Variants in SP100 observed in about 807,000 individuals in gnomAD.
SP100 encodes SP100 nuclear body protein.
In SP100, 84 loss-of-function variants were observed where a neutral mutation model predicts 130.0. That is an observed-to-expected ratio of 0.65 (90% CI 0.54 to 0.77). The LOEUF (loss-of-function observed/expected upper bound fraction) is 0.77, where lower values mean the gene tolerates loss of function less well. Ranked by LOEUF, SP100 falls within the 30% of genes least tolerant of loss-of-function variation. The probability of loss-of-function intolerance (pLI) is 0.00; values close to 1 mark genes in which losing one functional copy is unlikely to be tolerated. For synonymous variants in SP100, 331 were observed against 351.7 expected (o/e 0.94, Z 0.66); for missense variants, 978 against 1,052.2 (o/e 0.93, Z 0.97).
chr2:230,449,223 T>A, intron 6 of SP100, 73 bp downstream of exon 6: 1 of 1,447,682 alleles, frequency 6.9e-7, no homozygotes, highest in Non-Finnish European at 9.7e-7. Flanking sequence ...TGGGGTTGCC[T>A]CTTTGTGTTA....
intron 2 of SP100, among the ~76,000 whole-genome samples, chr2:230,430,617 C>T (rs1482432504): frequency 6.6e-6 from 1 of 152,254 alleles, no homozygotes; most frequent in African/African-American, 2.4e-5. Flanking sequence ...TTGTGCCCCA[C>T]AGTTCAGAAG....
intron 26 of SP100, 103 bp downstream of exon 26, chr2:230,541,099 G>T (rs1266154177): frequency 2.8e-6 from 4 of 1,420,980 alleles, no homozygotes; most frequent in South Asian, 2.7e-5. Flanking sequence ...AAAGCAAACT[G>T]CTGGCCTATG....
At chr2:230,497,556 GGAAAGGAAAGGAA>G (rs2066759138) in intron 18 of SP100, among the ~76,000 whole-genome samples, 5 of 63,366 alleles carry the variant, frequency 7.9e-5, no homozygotes, top group Admixed American at 3.8e-4. Flanking sequence ...GGAAAGGAAA[GGAAAGGAAAGGAA>G]AGGAAAGGAA....
chr2:230,428,376 C>G (rs774177910), intron 2 of SP100, among the ~76,000 whole-genome samples: 1 of 151,638 alleles, frequency 6.6e-6, no homozygotes, highest in East Asian at 1.9e-4. Context: ...GGTGGAAGGG[C>G]GAAGGGGAAG....
intron 18 of SP100, among the ~76,000 whole-genome samples, chr2:230,496,569 GA>G (rs2066677233): frequency 6.6e-6 from 1 of 152,032 alleles, no homozygotes; most frequent in African/African-American, 2.4e-5. Context: ...AAAAAAAAGG[GA>G]ATAGCAAAAA....
chr2:230,467,205 T>A lies in SP100; in HGVS notation c.1281T>A (p.His427Gln). 1 of 1,612,822 alleles carries A rather than the reference T, an allele frequency of 6.2e-7. No individual in the cohort carries two copies. Among genetic ancestry groups the A allele is most frequent in the South Asian group, 1.1e-5 (1 of 91,056 alleles). ...EASSGALRSK[H>Q]GEKAPMTSRS... Reference sequence around the variant, plus strand: ...CGAGCGGGGCACTGAGAAGCAAGCATGGTGAGAAGGGTAAGAACAGCTCCC... The same window carrying A: ...CGAGCGGGGCACTGAGAAGCAAGCAAGGTGAGAAGGGTAAGAACAGCTCCC... Residue 427 changes from histidine to glutamine, a missense_variant, in exon 13 of 29, where the codon CAT becomes CAA. Coordinates refer to ENST00000340126, the MANE Select transcript of SP100 (RefSeq NM_001080391.2).
At chr2:230,424,979 G>A (rs1055762068) in intron 2 of SP100, among the ~76,000 whole-genome samples, 2 of 151,728 alleles carry the variant, frequency 1.3e-5, no homozygotes, top group Admixed American at 6.6e-5. Flanking sequence ...AGTCTCCTAA[G>A]GTTAAAATAT....
At chr2:230,524,194 A>AAAAAAAAAAAAAAAT (rs1691308452) in intron 24 of SP100, among the ~76,000 whole-genome samples, 1 of 144,008 alleles carries the variant, frequency 6.9e-6, no homozygotes, top group African/African-American at 2.5e-5. Context: ...AAAAAAAAAA[A>AAAAAAAAAAAAAAAT]AAAAAAAGAA....
At chr2:230,511,411 G>A (rs1310367439) in intron 24 of SP100, among the ~76,000 whole-genome samples, 1 of 152,204 alleles carries the variant, frequency 6.6e-6, no homozygotes, top group Non-Finnish European at 1.5e-5. Context: ...ATAGGAGGCT[G>A]AGCTCTAGAT....
chr2:230,451,469 C>T (rs2063980734), intron 8 of SP100, among the ~76,000 whole-genome samples: 1 of 152,156 alleles, frequency 6.6e-6, no homozygotes, highest in Non-Finnish European at 1.5e-5. Context: ...GTCCTTTGCC[C>T]ATTTAAAAAT....
chr2:230,466,633 A>G (rs2064974329), intron 12 of SP100, among the ~76,000 whole-genome samples: 1 of 152,140 alleles, frequency 6.6e-6, no homozygotes, highest in Admixed American at 6.5e-5. Context: ...TCAACTGAAT[A>G]TTTCAAGGAT....
intron 2 of SP100, among the ~76,000 whole-genome samples, chr2:230,423,760 T>C (rs1234102476): frequency 6.6e-6 from 1 of 152,248 alleles, no homozygotes; most frequent in Non-Finnish European, 1.5e-5. Flanking sequence ...GATTTCCTGG[T>C]TAACCTAAGA....
intron 2 of SP100, among the ~76,000 whole-genome samples, chr2:230,422,652 C>T (rs775066245): frequency 6.6e-6 from 1 of 152,162 alleles, no homozygotes; most frequent in Non-Finnish European, 1.5e-5. Context: ...CTTTTCTATT[C>T]CCTGATCTTT....
intron 23 of SP100, chr2:230,508,311 CTTTTTTT>C: frequency 6.9e-6 from 1 of 144,892 alleles, no homozygotes; most frequent in African/African-American, 3.2e-5. Flanking sequence ...AAATGCCATA[CTTTTTTT>C]TTTTTTTTTT....
intron 2 of SP100, among the ~76,000 whole-genome samples, chr2:230,426,761 T>A (rs1358985994): frequency 6.6e-6 from 1 of 152,236 alleles, no homozygotes; most frequent in Non-Finnish European, 1.5e-5. Flanking sequence ...GTTTGTTAGG[T>A]CTATTTGATC....
At chr2:230,522,928 C>G (rs1275729982) in intron 24 of SP100, among the ~76,000 whole-genome samples, 1 of 152,120 alleles carries the variant, frequency 6.6e-6, no homozygotes, top group African/African-American at 2.4e-5. Context: ...GATTCTCCTG[C>G]CTCAGCCTCC....
At chr2:230,457,322 A>G (rs910993280) in intron 8 of SP100, among the ~76,000 whole-genome samples, 8 of 152,230 alleles carry the variant, frequency 5.3e-5, no homozygotes, top group African/African-American at 1.7e-4. Flanking sequence ...GCCCAGTGCC[A>G]CTTGGTCCAG....
intron 19 of SP100, among the ~76,000 whole-genome samples, chr2:230,502,800 T>G (rs1296238016): frequency 1.3e-5 from 2 of 152,180 alleles, no homozygotes; most frequent in African/African-American, 4.8e-5. Context: ...TGACTGTAAA[T>G]AAAGTTTTAC....
chr2:230,497,470 A>C (rs975749705), intron 18 of SP100, among the ~76,000 whole-genome samples: 1 of 51,258 alleles, frequency 2.0e-5, no homozygotes, highest in Middle Eastern at 7.7e-3. Context: ...GAAGGGAAGG[A>C]GGGGAGGGGA....
Sources: gnomAD v4.1 joint callset for allele counts (sites outside exome capture counted in the v4.1 genomes callset) on GRCh38, gnomAD v4.1.1 for gene constraint, MANE v1.5 for transcripts, NCBI Gene and HGNC (gene_info 2026-07-23, HGNC 2026-07-21) for gene names.